OSTF1: variants seen among roughly 807,000 people sequenced by gnomAD.
OSTF1 encodes the protein osteoclast stimulating factor 1, also known as osteoclast-stimulating factor 1.
A neutral mutation model predicts 37.2 loss-of-function variants in OSTF1; 27 were observed. That is an observed-to-expected ratio of 0.73 (90% CI 0.54 to 1.00). The LOEUF (loss-of-function observed/expected upper bound fraction) is 1.00. Ranked by LOEUF, OSTF1 falls within the 50% of genes least tolerant of loss-of-function variation. The pLI, the probability that OSTF1 is intolerant of heterozygous loss-of-function variation, is 0.00. For synonymous variants in OSTF1, 82 were observed against 89.2 expected (o/e 0.92, Z 0.46); for missense variants, 232 against 253.8 (o/e 0.91, Z 0.58).
rs571029936 is a variant in OSTF1, at chr9:75,142,681, A to G, written c.586+1749A>G. ...TGTGCACCCCAAGTGTGTTTAGTCT[A>G]CCTTCCTGAATTTGAACTGATTAGG... On this transcript the variant is annotated intron_variant, in intron 9 of 9. Transcript: ENST00000346234. Among the ~76,000 whole-genome samples, 10 of 152,226 alleles carry G rather than the reference A, an allele frequency of 6.6e-5. No individual in the cohort carries two copies. The South Asian group carries it at 1.0e-3, about 16-fold the overall frequency.
intron 1 of OSTF1, among the ~76,000 whole-genome samples, chr9:75,111,046 G>A (rs1825378026): frequency 6.6e-6 from 1 of 151,866 alleles, no homozygotes; most frequent in African/African-American, 2.4e-5. Context: ...ATATCTGAGT[G>A]GCTTTCTTTA....
Position 75,146,732 on chromosome 9 carries a change from C to G in OSTF1, c.636C>G (p.Asp212Glu). ...CCGAGGACTATCTCGATGATGAAGA[C>G]TCAGATTAATTCCTTTCTGGAGCTT... ...SNAEDYLDDE[D>E]SD The change falls in exon 10 of 10, where the codon GAC becomes GAG. Residue 212 changes from aspartate (D) to glutamate (E), a missense_variant. Physicochemically the swap from Asp to Glu is conservative, Grantham distance 45 (BLOSUM62 2). Transcript: ENST00000346234. 6.2e-7 allele frequency: 1 copy of G among 1,606,218 alleles called. No homozygotes were observed. Among genetic ancestry groups the G allele is most frequent in the Non-Finnish European group, 8.5e-7 (1 of 1,174,458 alleles).
At chr9:75,134,422 T>C in intron 7 of OSTF1, 27 bp downstream of exon 7, 2 of 1,290,024 alleles carry the variant, frequency 1.6e-6, no homozygotes, top group Non-Finnish European at 2.2e-6. Context: ...GAAAATTATT[T>C]AACACATACC....
At chr9:75,123,021 T>C (rs1172627514) in intron 2 of OSTF1, among the ~76,000 whole-genome samples, 1 of 152,376 alleles carries the variant, frequency 6.6e-6, no homozygotes, top group South Asian at 2.1e-4. Context: ...TGGGAATATA[T>C]GTTACCAAGT....
chr9:75,146,617 GA>G lies in OSTF1; in HGVS notation c.587-60del. The stretch of plus-strand genomic sequence containing the variant: ...ATTCTAATTTAAGAGCTTTGAAAAT[GA>G]AAAAATAAAATCTGAGCAGTTTATA... On this transcript the variant is annotated intron_variant, in intron 9 of 9. Transcript: ENST00000346234. The G allele has an allele frequency of 4.6e-6, 5 of 1,090,028 alleles. No individual in the cohort carries two copies. In the East Asian group the frequency reaches 7.1e-5, roughly 16 times the overall value. The allele number at this position is 1,090,028 out of a possible 1,614,324, so 67.5% of individuals were successfully genotyped here. A position where few individuals can be genotyped will look rare whatever the true frequency, so the allele number is the denominator to read the frequency against.
At chr9:75,096,108 G>T (rs1041581668) in intron 1 of OSTF1, among the ~76,000 whole-genome samples, 2 of 152,116 alleles carry the variant, frequency 1.3e-5, no homozygotes, top group Non-Finnish European at 2.9e-5. Flanking sequence ...AGCCAGGATG[G>T]TCTCGATCTC....
intron 2 of OSTF1, among the ~76,000 whole-genome samples, chr9:75,127,077 C>T (rs1825673671): frequency 6.6e-6 from 1 of 152,158 alleles, no homozygotes; most frequent in Admixed American, 6.5e-5. Context: ...AATGTTCATT[C>T]TCCCTGAACA....
At chr9:75,132,770 C>T (rs1321027235) in intron 5 of OSTF1, among the ~76,000 whole-genome samples, 2 of 152,028 alleles carry the variant, frequency 1.3e-5, no homozygotes, top group African/African-American at 4.8e-5. Flanking sequence ...GGACATTAGC[C>T]TGAGGATTTT....
intron 7 of OSTF1, among the ~76,000 whole-genome samples, chr9:75,134,822 A>T (rs1285212697): frequency 6.6e-6 from 1 of 152,046 alleles, no homozygotes; most frequent in Non-Finnish European, 1.5e-5. Flanking sequence ...TATAATATTT[A>T]CTTTATTATG....
At chr9:75,098,667 A>G (rs1331128973) in intron 1 of OSTF1, among the ~76,000 whole-genome samples, 1 of 152,194 alleles carries the variant, frequency 6.6e-6, no homozygotes, top group Non-Finnish European at 1.5e-5. Context: ...TAGATTTTAG[A>G]AATTCTCTGT....
intron 2 of OSTF1, among the ~76,000 whole-genome samples, chr9:75,118,690 G>C (rs921713618): frequency 1.4e-4 from 22 of 152,182 alleles, no homozygotes; most frequent in African/African-American, 5.3e-4. Context: ...AAGGCGAAAG[G>C]CATGTCTTAC....
Position 75,133,402 on chromosome 9 carries a change from G to C in OSTF1, c.358+1G>C, listed in dbSNP as rs201759765. On this transcript the variant is annotated splice_donor_variant, in intron 6 of 9. Coordinates refer to ENST00000346234, the MANE Select transcript of OSTF1 (RefSeq NM_012383.5). LOFTEE classifies it high-confidence loss of function. ...TGGGCTTGCCACGGGGGCCACAAAG[G>C]TATTACATTTTGTTTGTTATATGTT... 1 of 1,569,112 alleles carries C rather than the reference G, an allele frequency of 6.4e-7. No individual in the cohort carries two copies. Among genetic ancestry groups the C allele is most frequent in the East Asian group, 2.2e-5 (1 of 44,564 alleles).
intron 1 of OSTF1, among the ~76,000 whole-genome samples, chr9:75,106,311 C>T (rs1825282689): frequency 6.6e-6 from 1 of 152,202 alleles, no homozygotes; most frequent in Non-Finnish European, 1.5e-5. Flanking sequence ...GTATGACTTT[C>T]TTTCCAAGGA....
rs774613554 is a variant in OSTF1 at position 75,117,465 on chromosome 9, A to G, written c.35-39A>G. ...TAATGCTATTAAGAGCAAATTCAGGAATGAAAAATTCAGTTGTTGTTTTTT... is the reference window on the plus strand; with the variant it reads ...TAATGCTATTAAGAGCAAATTCAGGGATGAAAAATTCAGTTGTTGTTTTTT... On this transcript the variant is annotated intron_variant, in intron 1 of 9. Transcript: ENST00000346234. The G allele has an allele frequency of 2.6e-5, 38 of 1,485,212 alleles. No individual in the cohort carries two copies. In the South Asian group the frequency reaches 4.1e-4, roughly 16 times the overall value. The allele number at this position is 1,485,212 out of a possible 1,614,324, so 92.0% of individuals were successfully genotyped here. A position where few individuals can be genotyped will look rare whatever the true frequency, so the allele number is the denominator to read the frequency against.
chr9:75,108,284 G>A (rs1825326313), intron 1 of OSTF1, among the ~76,000 whole-genome samples: 2 of 151,708 alleles, frequency 1.3e-5, no homozygotes, highest in Admixed American at 6.6e-5. Context: ...GAAAAAATTT[G>A]CTTTGGAAAC....
rs566933982 is a variant in OSTF1, at chr9:75,120,056, TAC to T, written c.81+2508_81+2509del. Among the ~76,000 whole-genome samples the T allele has an allele frequency of 2.0e-3, 307 of 152,146 alleles. 2 individuals carry two copies. Among genetic ancestry groups the T allele is most frequent in the Non-Finnish European group, 3.3e-3 (226 of 68,014 alleles). ...TAACTCTAAAGTCCTTATCTCCAAA[TAC>T]AGTCATATATGGAAGTACAGATGCT... is the stretch of plus-strand genomic sequence containing the variant. On this transcript the variant is annotated intron_variant, in intron 2 of 9. Coordinates refer to ENST00000346234, the MANE Select transcript of OSTF1 (RefSeq NM_012383.5).
Position 75,146,906 on chromosome 9 carries a change from G to A in OSTF1, c.*165G>A. ...TGTAAATGAATTGTTCCCACCTTTGGTTTGCCAGTAAGTGACTGGATTCTT... is the reference window on the plus strand; with the variant it reads ...TGTAAATGAATTGTTCCCACCTTTGATTTGCCAGTAAGTGACTGGATTCTT... On this transcript the variant is annotated 3_prime_UTR_variant, in exon 10 of 10. Coordinates refer to ENST00000346234, the MANE Select transcript of OSTF1 (RefSeq NM_012383.5). The A allele has an allele frequency of 2.0e-6, 1 of 488,450 alleles. No homozygotes were observed. The highest frequency in any genetic ancestry group is 3.6e-5 in the East Asian group (1 of 27,830). The allele number at this position is 488,450 out of a possible 1,614,324, so 30.3% of individuals were successfully genotyped here.
intron 8 of OSTF1, among the ~76,000 whole-genome samples, chr9:75,140,414 G>T (rs536334524): frequency 6.6e-6 from 1 of 152,186 alleles, no homozygotes; most frequent in East Asian, 1.9e-4. Context: ...TTGGTTTTAC[G>T]TGTTGCTATT....
chr9:75,125,552 GC>G (rs1182281532), intron 2 of OSTF1, among the ~76,000 whole-genome samples: 1 of 152,186 alleles, frequency 6.6e-6, no homozygotes. Flanking sequence ...CATAGTTTGT[GC>G]TATGTGTAAG....
Sources: allele counts gnomAD v4.1 joint callset (sites outside exome capture counted in the v4.1 genomes callset), GRCh38; gene constraint gnomAD v4.1.1; transcripts MANE v1.5; gene names NCBI Gene and HGNC (gene_info 2026-07-23, HGNC 2026-07-21).